Variants in STK32B observed in about 807,000 individuals in gnomAD.
STK32B encodes the protein serine/threonine-protein kinase 32B.
STK32B carries 43 observed loss-of-function variants against 52.6 expected under a neutral mutation model. That is an observed-to-expected ratio of 0.82 (90% CI 0.64 to 1.05). The LOEUF is 1.05. STK32B is among the 50% of genes least tolerant of loss of function. The probability of loss-of-function intolerance (pLI) is 0.00; values close to 1 mark genes in which losing one functional copy is unlikely to be tolerated. For synonymous variants in STK32B, 238 were observed against 204.3 expected (o/e 1.17, Z -1.41); for missense variants, 621 against 534.6 (o/e 1.16, Z -1.59).
chr4:5,333,929 T>C (rs1012972116), intron 4 of STK32B, among the ~76,000 whole-genome samples: 10 of 152,322 alleles, frequency 6.6e-5, no homozygotes, highest in African/African-American at 2.4e-4. Context: ...AGCTTTGTTC[T>C]TTTGGCTTAG....
chr4:5,070,136 C>A (rs1219355477), intron 1 of STK32B, among the ~76,000 whole-genome samples: 2 of 152,172 alleles, frequency 1.3e-5, no homozygotes, highest in African/African-American at 4.8e-5. Context: ...TTTCTCATTT[C>A]CATTCTCCTA....
chr4:5,156,899 C>G (rs920940163), intron 2 of STK32B, among the ~76,000 whole-genome samples: 5 of 152,052 alleles, frequency 3.3e-5, no homozygotes, highest in Admixed American at 3.3e-4. Context: ...TGATCATTTC[C>G]AGACCCAAGC....
chr4:5,151,584 A>G (rs1458502308), intron 2 of STK32B, among the ~76,000 whole-genome samples: 2 of 152,222 alleles, frequency 1.3e-5, no homozygotes, highest in Admixed American at 6.5e-5. Flanking sequence ...ACTGCTGGCA[A>G]TCCATTGATT....
chr4:5,453,933 A>T lies in STK32B; in HGVS notation c.667-2874A>T, dbSNP rs144082725. ...AAAAAAGAAGTCCAAAACTGAACTC[A>T]GCCCCAGCTCATCTCCCAGTGGTAG... On this transcript the variant is annotated intron_variant, in intron 7 of 11. Coordinates refer to ENST00000282908, the MANE Select transcript of STK32B (RefSeq NM_018401.3). The surrounding 1 kb of genome is among the most constrained non-coding windows in gnomAD (Gnocchi z 4.0). Among the ~76,000 whole-genome samples, 117 of 152,140 alleles carry T rather than the reference A, an allele frequency of 7.7e-4. No individual in the cohort carries two copies. The highest frequency in any genetic ancestry group is 3.4e-3 in the Middle Eastern group (1 of 294).
chr4:5,019,401 C>T, the STK32B span: 10 of 1,494,350 alleles, frequency 6.7e-6, no homozygotes, highest in Non-Finnish European at 8.8e-6. Flanking sequence ...CGGGGGCTCC[C>T]GCCAGGAGCA....
At chr4:5,479,454 C>G (rs1178915640) in intron 11 of STK32B, among the ~76,000 whole-genome samples, 3 of 152,146 alleles carry the variant, frequency 2.0e-5, no homozygotes, top group African/African-American at 7.2e-5. Flanking sequence ...GAGGAATATT[C>G]CATGAGAAAG....
At chr4:5,483,731 A>G (rs1355355113) in intron 11 of STK32B, among the ~76,000 whole-genome samples, 1 of 152,026 alleles carries the variant, frequency 6.6e-6, no homozygotes, top group Non-Finnish European at 1.5e-5. Flanking sequence ...ATTTAGTGCT[A>G]TGAACTTCCC....
intron 7 of STK32B, among the ~76,000 whole-genome samples, chr4:5,451,660 T>C (rs1298584173): frequency 6.6e-6 from 1 of 152,192 alleles, no homozygotes; most frequent in Non-Finnish European, 1.5e-5. Flanking sequence ...AGATGATTTT[T>C]TGTGGTGCGG....
chr4:5,266,142 A>G (rs991292971), intron 3 of STK32B, among the ~76,000 whole-genome samples: 3 of 152,224 alleles, frequency 2.0e-5, no homozygotes, highest in African/African-American at 7.2e-5. Flanking sequence ...CAAGAATGCT[A>G]CAGTGAATTT....
At chr4:5,456,071 C>T (rs1010963608) in intron 7 of STK32B, among the ~76,000 whole-genome samples, 4 of 152,098 alleles carry the variant, frequency 2.6e-5, no homozygotes, top group Admixed American at 6.6e-5. Flanking sequence ...GAGCGGGGAC[C>T]GGGAGTGCAC....
rs1560186499 is a variant in STK32B at position 5,159,730 on chromosome 4, T to TGA, written c.109-8569_109-8568insGA. Reference sequence around the variant, plus strand: ...GAATATATATATGAATGTATATGAATATATATATGAATATATGAATGTATA... The same window carrying TGA: ...GAATATATATATGAATGTATATGAATGAATATATATGAATATATGAATGTATA... On this transcript the variant is annotated intron_variant, in intron 2 of 11. Coordinates refer to ENST00000282908, the MANE Select transcript of STK32B (RefSeq NM_018401.3). Among the ~76,000 whole-genome samples the TGA allele has an allele frequency of 1.0e-3, 110 of 105,680 alleles. 15 individuals are homozygous for TGA. Among genetic ancestry groups the TGA allele is most frequent in the African/African-American group, 7.2e-3 (93 of 12,994 alleles). The allele number at this position is 105,680 out of a possible 152,430, so 69.3% of individuals were successfully genotyped here.
At position 5,378,272 on chromosome 4, in the gene STK32B, G is replaced by C. The variant is rs1735707103; in HGVS notation, c.435-19935G>C. Among the ~76,000 whole-genome samples, 1 of 152,162 alleles carries C rather than the reference G, an allele frequency of 6.6e-6. No homozygotes were observed. The highest frequency in any genetic ancestry group is 1.5e-5 in the Non-Finnish European group (1 of 68,036). ...CAGGCAAGGAGGGAACTGATGAGCG[G>C]GGACAAGGATGACAGTCCATGGTAA... is the stretch of plus-strand genomic sequence containing the variant. On this transcript the variant is annotated intron_variant, in intron 4 of 11. Transcript: ENST00000282908. This position sits in a 1 kb window ranked among gnomAD's most constrained non-coding sequence, Gnocchi z 4.4.
At chr4:5,483,459 C>G (rs1270080142) in intron 11 of STK32B, among the ~76,000 whole-genome samples, 119 of 151,852 alleles carry the variant, frequency 7.8e-4, no homozygotes, top group African/African-American at 2.8e-3. Context: ...TTTATTGCAT[C>G]TATTTGATCC....
intron 9 of STK32B, among the ~76,000 whole-genome samples, chr4:5,465,277 C>A (rs1273692674): frequency 2.6e-5 from 4 of 152,282 alleles, no homozygotes; most frequent in Non-Finnish European, 5.9e-5. Flanking sequence ...GTCAGCCTCA[C>A]AGACTTGCAC....
chr4:5,370,926 T>G (rs1735182069), intron 4 of STK32B, among the ~76,000 whole-genome samples: 1 of 151,716 alleles, frequency 6.6e-6, no homozygotes, highest in Non-Finnish European at 1.5e-5. Context: ...TAAGCCATGA[T>G]CATGCCACTG....
intron 3 of STK32B, among the ~76,000 whole-genome samples, chr4:5,297,244 G>A (rs532110602): frequency 2.6e-5 from 4 of 152,148 alleles, no homozygotes; most frequent in South Asian, 2.1e-4. Flanking sequence ...TGAATCTGAC[G>A]ATTGTATGTC....
chr4:5,387,692 C>A (rs960140395), intron 4 of STK32B, among the ~76,000 whole-genome samples: 2 of 152,186 alleles, frequency 1.3e-5, no homozygotes, highest in African/African-American at 4.8e-5. Flanking sequence ...AATGGAAGAG[C>A]ACCAGATGGG....
At chr4:5,412,887 C>G (rs934138206) in intron 5 of STK32B, among the ~76,000 whole-genome samples, 1 of 152,130 alleles carries the variant, frequency 6.6e-6, no homozygotes, top group African/African-American at 2.4e-5. Flanking sequence ...ATATCAAAAC[C>G]CTCTCACTTG....
rs564005437 is a variant in STK32B at position 5,250,499 on chromosome 4, G to T, written c.261-80721G>T. Among the ~76,000 whole-genome samples the T allele has an allele frequency of 9.2e-5, 14 of 152,058 alleles. No homozygotes were observed. The South Asian group carries it at 2.9e-3, about 32-fold the overall frequency. Reference sequence around the variant, plus strand: ...GGCTAATTTTTGTAGTTTTAGTAGAGAGGAGGTTTCGCCATATTGGCCAGG... The same window carrying T: ...GGCTAATTTTTGTAGTTTTAGTAGATAGGAGGTTTCGCCATATTGGCCAGG... On this transcript the variant is annotated intron_variant, in intron 3 of 11. Coordinates refer to ENST00000282908, the MANE Select transcript of STK32B (RefSeq NM_018401.3).
Sources: allele counts gnomAD v4.1 joint callset (sites outside exome capture counted in the v4.1 genomes callset), GRCh38; gene constraint gnomAD v4.1.1; non-coding constraint Gnocchi (gnomAD v3.1); transcripts MANE v1.5; gene names NCBI Gene and HGNC (gene_info 2026-07-23, HGNC 2026-07-21).